The following BCAS3 variants were observed in gnomAD, a reference collection of about 807,000 sequenced individuals.
The protein encoded by BCAS3 is BCAS3 microtubule associated cell migration factor, also known as BCAS4/BCAS3 fusion.
In BCAS3, 53 loss-of-function variants were observed where a neutral mutation model predicts 116.1. The ratio of observed to expected loss-of-function variants is 0.46; its 90% confidence interval spans 0.37 to 0.57. BCAS3 has a LOEUF of 0.57. Ranked by LOEUF, BCAS3 falls within the 20% of genes least tolerant of loss-of-function variation. BCAS3 has a pLI of 0.00. For missense variants in BCAS3, 917 were observed against 1,165.4 expected (o/e 0.79, Z 3.10); for synonymous variants, 391 against 408.2 (o/e 0.96, Z 0.51).
Position 61,333,397 on chromosome 17 carries a change from T to G in BCAS3, c.2426-34930T>G, listed in dbSNP as rs565131876. ...GCTGTCTATGACCTCAAGCCAGGCC[T>G]AGGACAAAGTGGAGACGTCCTGTGA... On this transcript the variant is annotated intron_variant, in intron 22 of 23. Coordinates refer to ENST00000407086, the MANE Select transcript of BCAS3 (RefSeq NM_017679.5). The surrounding 1 kb of genome is among the most constrained non-coding windows in gnomAD (Gnocchi z 4.8). Among the ~76,000 whole-genome samples the G allele has an allele frequency of 8.1e-4, 124 of 152,262 alleles. 1 individual carries two copies. Among genetic ancestry groups the G allele is most frequent in the African/African-American group, 2.5e-3 (105 of 41,548 alleles).
chr17:61,080,198 C>T (rs1294189802), intron 21 of BCAS3, among the ~76,000 whole-genome samples: 1 of 152,014 alleles, frequency 6.6e-6, no homozygotes, highest in Non-Finnish European at 1.5e-5. Flanking sequence ...AGCCACTGCA[C>T]CTGGCCTCAT....
Position 61,118,608 on chromosome 17 carries a change from G to T in BCAS3, c.2425+34044G>T, listed in dbSNP as rs2075615608. Among the ~76,000 whole-genome samples the T allele has an allele frequency of 6.6e-6, 1 of 152,144 alleles. No individual in the cohort carries two copies. Among genetic ancestry groups the T allele is most frequent in the South Asian group, 2.1e-4 (1 of 4,826 alleles). ...GGGTGGAGTCTGGGCTCCCTACTTG[G>T]CCTTTCCCACTGTGGGTGGTGGGGG... On this transcript the variant is annotated intron_variant, in intron 22 of 23. Coordinates refer to ENST00000407086, the MANE Select transcript of BCAS3 (RefSeq NM_017679.5). This position sits in a 1 kb window ranked among gnomAD's most constrained non-coding sequence, Gnocchi z 5.0.
intron 12 of BCAS3, among the ~76,000 whole-genome samples, chr17:60,911,594 A>T (rs2058517216): frequency 6.6e-6 from 1 of 152,038 alleles, no homozygotes. Context: ...CACCGCGCCC[A>T]GCCTTAATTT....
chr17:60,854,425 G>T (rs111564511), intron 7 of BCAS3, among the ~76,000 whole-genome samples: 4,622 of 152,222 alleles, frequency 0.03, 182 homozygotes, highest in East Asian at 0.092. Context: ...GTAATGGGAT[G>T]GCTGGGTCAA....
Position 60,831,795 on chromosome 17 carries a change from G to A in BCAS3, c.476+23719G>A, listed in dbSNP as rs150044344. Among the ~76,000 whole-genome samples, 185 of 151,746 alleles carry A rather than the reference G, an allele frequency of 1.2e-3. No homozygotes were observed. In the East Asian group the frequency reaches 0.034, roughly 28 times the overall value. On this transcript the variant is annotated intron_variant, in intron 7 of 23. Transcript: ENST00000407086. ...TATGTGGTATGTTTAAGTCTTATCA[G>A]TTATTTAGATGTAGTCACATTTATC...
intron 23 of BCAS3, among the ~76,000 whole-genome samples, chr17:61,372,777 T>C (rs1376298189): frequency 1.3e-5 from 2 of 151,828 alleles, no homozygotes; most frequent in Non-Finnish European, 2.9e-5. Flanking sequence ...GTTACCCCCC[T>C]CAAAATAACT....
At chr17:60,722,759 C>CA (rs571361987) in intron 5 of BCAS3, among the ~76,000 whole-genome samples, 2,398 of 77,244 alleles carry the variant, frequency 0.031, 30 homozygotes, top group Middle Eastern at 0.085. Context: ...GACTCTGTCT[C>CA]AAAAAAAAAA....
At chr17:61,075,656 A>T (rs562055465) in intron 20 of BCAS3, among the ~76,000 whole-genome samples, 1 of 152,086 alleles carries the variant, frequency 6.6e-6, no homozygotes. Flanking sequence ...ACACATTTTC[A>T]TCAGGTTTAA....
rs753050769 is a variant in BCAS3, at chr17:61,387,897, A to G, written c.2594-4080A>G. 7.2e-5 allele frequency among the ~76,000 whole-genome samples: 11 copies of G among 152,172 alleles called. No individual in the cohort carries two copies. The highest frequency in any genetic ancestry group is 2.0e-4 in the Admixed American group (3 of 15,276). On this transcript the variant is annotated intron_variant, in intron 23 of 23. Coordinates refer to ENST00000407086, the MANE Select transcript of BCAS3 (RefSeq NM_017679.5). The surrounding 1 kb of genome is among the most constrained non-coding windows in gnomAD (Gnocchi z 6.2). ...CATCCCTGGAGAGTGCAAGGTCACA[A>G]TGAGGTGACTGGGTCTAGCCACTTG...
rs181019688 is a variant in BCAS3, at chr17:60,839,482, G to A, written c.477-29094G>A. Among the ~76,000 whole-genome samples the A allele has an allele frequency of 1.9e-4, 29 of 152,204 alleles. No homozygotes were observed. In the East Asian group the frequency reaches 3.3e-3, roughly 17 times the overall value. The stretch of plus-strand genomic sequence containing the variant: ...CTGGTTACCTCTCTATAAGTTGTGC[G>A]AGTGTCGGAAGGTTTCATAACCCAG... On this transcript the variant is annotated intron_variant, in intron 7 of 23. Coordinates refer to ENST00000407086, the MANE Select transcript of BCAS3 (RefSeq NM_017679.5).
chr17:60,942,352 G>C (rs531928928), intron 13 of BCAS3, among the ~76,000 whole-genome samples: 2 of 152,092 alleles, frequency 1.3e-5, no homozygotes, highest in African/African-American at 2.4e-5. Context: ...GCTTGAACCC[G>C]GGAGGCGGAG....
Position 61,244,114 on chromosome 17 carries a change from A to G in BCAS3, c.2426-124213A>G, listed in dbSNP as rs139716999. Among the ~76,000 whole-genome samples, 1 of 152,234 alleles carries G rather than the reference A, an allele frequency of 6.6e-6. No individual in the cohort carries two copies. The highest frequency in any genetic ancestry group is 1.5e-5 in the Non-Finnish European group (1 of 68,050). On this transcript the variant is annotated intron_variant, in intron 22 of 23. Transcript: ENST00000407086. The surrounding 1 kb of genome is among the most constrained non-coding windows in gnomAD (Gnocchi z 4.9). ...TTAAAAGAATAATATGTCAAATTAAAGCATTTTTAAACCTCTTTTTTTAAC... is the reference window on the plus strand; with the variant it reads ...TTAAAAGAATAATATGTCAAATTAAGGCATTTTTAAACCTCTTTTTTTAAC...
chr17:61,176,791 G>A (rs563420567), intron 22 of BCAS3, among the ~76,000 whole-genome samples: 1 of 152,178 alleles, frequency 6.6e-6, no homozygotes, highest in South Asian at 2.1e-4. Context: ...GAACTCCTGG[G>A]CTCCAGTGAT....
intron 6 of BCAS3, among the ~76,000 whole-genome samples, chr17:60,765,238 G>A (rs887531782): frequency 6.6e-6 from 1 of 152,274 alleles, no homozygotes; most frequent in South Asian, 2.1e-4. Context: ...TCATTATGAT[G>A]TTAGCTAGTT....
In BCAS3 at chr17:61,274,107, C is replaced by T. The variant is rs572534886; in HGVS notation, c.2426-94220C>T. ...TATATCTCCTAATGCTATCCCTCCC[C>T]ACTCCCCCCACCCCACAACAGTCCC... is the stretch of plus-strand genomic sequence containing the variant. On this transcript the variant is annotated intron_variant, in intron 22 of 23. Transcript: ENST00000407086. 1.8e-3 allele frequency among the ~76,000 whole-genome samples: 276 copies of T among 150,986 alleles called. 2 individuals are homozygous for T. Among genetic ancestry groups the T allele is most frequent in the African/African-American group, 6.6e-3 (274 of 41,318 alleles).
At chr17:60,953,933 T>G (rs2145275953) in intron 14 of BCAS3, among the ~76,000 whole-genome samples, 1 of 152,112 alleles carries the variant, frequency 6.6e-6, no homozygotes, top group African/African-American at 2.4e-5. Context: ...GGGGTTTCAC[T>G]ATATTGGCCA....
intron 10 of BCAS3, among the ~76,000 whole-genome samples, chr17:60,898,098 T>C (rs995691176): frequency 6.6e-6 from 1 of 152,104 alleles, no homozygotes; most frequent in Non-Finnish European, 1.5e-5. Flanking sequence ...TTCTCATTTA[T>C]ATTCTGAATT....
At chr17:60,969,596 A>G (rs2061843508) in intron 14 of BCAS3, among the ~76,000 whole-genome samples, 1 of 152,162 alleles carries the variant, frequency 6.6e-6, no homozygotes, top group African/African-American at 2.4e-5. Flanking sequence ...GCAGAAGGTG[A>G]GGAGAGTAAG....
chr17:61,069,627 T>TA (rs1383288498), intron 19 of BCAS3, among the ~76,000 whole-genome samples: 1 of 151,852 alleles, frequency 6.6e-6, no homozygotes, highest in Non-Finnish European at 1.5e-5. Context: ...CACTTGAGGT[T>TA]AGGAGTTTGA....
Sources: gnomAD v4.1 joint callset for allele counts (sites outside exome capture counted in the v4.1 genomes callset) on GRCh38, gnomAD v4.1.1 for gene constraint, Gnocchi (gnomAD v3.1) non-coding constraint, MANE v1.5 for transcripts, NCBI Gene and HGNC (gene_info 2026-07-23, HGNC 2026-07-21) for gene names.